Variants in EPHA5 observed in about 807,000 individuals in gnomAD.
The protein encoded by EPHA5 is EPH receptor A5.
EPHA5 carries 60 observed loss-of-function variants against 105.0 expected under a neutral mutation model. That is an observed-to-expected ratio of 0.57 (90% CI 0.46 to 0.71). EPHA5 has a LOEUF of 0.71. Ranked by LOEUF, EPHA5 falls within the 30% of genes least tolerant of loss-of-function variation. The pLI, the probability that EPHA5 is intolerant of heterozygous loss-of-function variation, is 0.00. For missense variants in EPHA5, 1,218 were observed against 1,274.7 expected, an observed-to-expected ratio of 0.96 and a Z score of 0.68; for synonymous variants, 513 against 449.1, an observed-to-expected ratio of 1.14 and a Z score of -1.80.
At chr4:65,506,911 G>A (rs1017839853) in intron 3 of EPHA5, among the ~76,000 whole-genome samples, 5 of 151,994 alleles carry the variant, frequency 3.3e-5, no homozygotes, top group African/African-American at 4.8e-5. Context: ...TGCTTTTGGT[G>A]TTTGGTGTTT....
chr4:65,559,506 C>T (rs916442444), intron 3 of EPHA5, among the ~76,000 whole-genome samples: 2 of 152,110 alleles, frequency 1.3e-5, no homozygotes, highest in African/African-American at 4.8e-5. Context: ...TCCCGAAATC[C>T]TTCTCCCAAC....
chr4:65,393,617 T>A (rs2148961665), intron 8 of EPHA5, among the ~76,000 whole-genome samples: 1 of 152,306 alleles, frequency 6.6e-6, no homozygotes, highest in Admixed American at 6.5e-5. Context: ...CCATATTTGT[T>A]CAACAACATT....
intron 5 of EPHA5, among the ~76,000 whole-genome samples, chr4:65,471,814 T>C (rs1729310633): frequency 6.6e-6 from 1 of 152,154 alleles, no homozygotes; most frequent in Non-Finnish European, 1.5e-5. Context: ...GTAGGGATTA[T>C]GGGGATTATA....
chr4:65,574,272 T>C (rs6812311), intron 3 of EPHA5: 428,807 of 1,588,830 alleles, frequency 0.27, 61,634 homozygotes, highest in Admixed American at 0.48. Context: ...CCAGGGCTAG[T>C]TGCGATCTGT....
In EPHA5 at chr4:65,564,336, A is replaced by T. The variant is rs77502293; in HGVS notation, c.910+37305T>A. Among the ~76,000 whole-genome samples the T allele has an allele frequency of 2.3e-3, 345 of 152,038 alleles. 2 individuals are homozygous for T. Among genetic ancestry groups the T allele is most frequent in the African/African-American group, 7.9e-3 (329 of 41,552 alleles). ...TATTTCTAAATGATAGCTCCTATTA[A>T]AGTTTAGGTAATTACTGGGGTCCTA... On this transcript the variant is annotated intron_variant, in intron 3 of 16. Transcript: ENST00000613740.
intron 5 of EPHA5, among the ~76,000 whole-genome samples, chr4:65,474,988 A>C (rs1478457890): frequency 6.6e-6 from 1 of 152,140 alleles, no homozygotes; most frequent in African/African-American, 2.4e-5. Context: ...TACCATGACT[A>C]AGTGGATTTG....
chr4:65,449,729 C>T (rs1387837939), intron 5 of EPHA5, among the ~76,000 whole-genome samples: 1 of 152,040 alleles, frequency 6.6e-6, no homozygotes, highest in African/African-American at 2.4e-5. Context: ...TTAGGGTGAG[C>T]CCTACTCTGA....
intron 9 of EPHA5, 148 bp downstream of exon 9, chr4:65,367,209 A>G: frequency 1.6e-6 from 1 of 633,016 alleles, no homozygotes; most frequent in South Asian, 2.3e-5. Context: ...CGTATTCTTT[A>G]CAGGAATGTA....
Position 65,324,008 on chromosome 4 carries a change from T to G in EPHA5, c.*106A>C, listed in dbSNP as rs1719840936. The G allele has an allele frequency of 1.2e-5, 9 of 741,250 alleles. No individual in the cohort carries two copies. The South Asian group carries it at 1.6e-4, about 13-fold the overall frequency. 45.9% of individuals were successfully genotyped at this position (741,250 alleles called of 1,614,324 possible). ...GCTGAGGCAAATGTTTTCTAAGGTTTAGAAATCACTGTTTTCCCTTTTCCC... is the reference window on the plus strand; with the variant it reads ...GCTGAGGCAAATGTTTTCTAAGGTTGAGAAATCACTGTTTTCCCTTTTCCC... On this transcript the variant is annotated 3_prime_UTR_variant, in exon 17 of 17. Coordinates refer to ENST00000613740, the MANE Select transcript of EPHA5 (RefSeq NM_001281766.3).
At chr4:65,478,264 A>G (rs1374520733) in intron 5 of EPHA5, among the ~76,000 whole-genome samples, 1 of 152,180 alleles carries the variant, frequency 6.6e-6, no homozygotes, top group Non-Finnish European at 1.5e-5. Context: ...ATATAGATAT[A>G]TTCATGACAT....
intron 3 of EPHA5, among the ~76,000 whole-genome samples, chr4:65,549,295 T>A (rs949911106): frequency 1.3e-5 from 2 of 152,054 alleles, no homozygotes; most frequent in East Asian, 3.9e-4. Context: ...TTCAAACAAA[T>A]CTGCGAAAAT....
rs1044324635 is a variant in EPHA5 at position 65,320,468 on chromosome 4, A to G, written c.*3646T>C. 2 of 229,212 alleles carry G rather than the reference A, an allele frequency of 8.7e-6. No individual in the cohort carries two copies. Among genetic ancestry groups the G allele is most frequent in the African/African-American group, 4.4e-5 (2 of 45,090 alleles). 14.2% of individuals were successfully genotyped at this position (229,212 alleles called of 1,614,324 possible). ...TTTTTTTCTTATTTTTAGGAAAAAC[A>G]AAATGAGAAAGGGACCTTATTCTAC... On this transcript the variant is annotated 3_prime_UTR_variant, in exon 17 of 17. Transcript: ENST00000613740.
At chr4:65,656,859 A>G (rs1054823820) in intron 1 of EPHA5, among the ~76,000 whole-genome samples, 3 of 151,330 alleles carry the variant, frequency 2.0e-5, no homozygotes, top group South Asian at 2.1e-4. Flanking sequence ...AATTTAATTC[A>G]AAGAACTTTT....
intron 3 of EPHA5, among the ~76,000 whole-genome samples, chr4:65,517,947 C>A (rs778470690): frequency 1.3e-4 from 19 of 151,788 alleles, no homozygotes; most frequent in Non-Finnish European, 2.5e-4. Flanking sequence ...ATGTTTAACA[C>A]CTCAAAATAA....
chr4:65,542,901 TG>T (rs757367631), intron 3 of EPHA5, among the ~76,000 whole-genome samples: 3 of 152,100 alleles, frequency 2.0e-5, no homozygotes, highest in Non-Finnish European at 2.9e-5. Context: ...AGCCCTGGGA[TG>T]CAAGGCTGGT....
At chr4:65,449,995 G>T (rs1726922069) in intron 5 of EPHA5, among the ~76,000 whole-genome samples, 1 of 152,132 alleles carries the variant, frequency 6.6e-6, no homozygotes, top group African/African-American at 2.4e-5. Context: ...CACTCAGTTT[G>T]TGGTCCTTTG....
chr4:65,602,353 TAAC>T (rs746538334), intron 2 of EPHA5, 49 bp from the exon 3 acceptor site: 145 of 1,431,032 alleles, frequency 1.0e-4, no homozygotes, highest in Middle Eastern at 8.1e-4. Context: ...AAATAGAAAA[TAAC>T]AAGGAACTAT....
intron 3 of EPHA5, among the ~76,000 whole-genome samples, chr4:65,508,626 T>G (rs886121491): frequency 6.6e-6 from 1 of 152,138 alleles, no homozygotes; most frequent in African/African-American, 2.4e-5. Flanking sequence ...CATTCACGAT[T>G]ACATTCTTTC....
At position 65,589,245 on chromosome 4, in the gene EPHA5, C is replaced by T. The variant is rs538926087; in HGVS notation, c.910+12396G>A. Among the ~76,000 whole-genome samples, 30 of 126,068 alleles carry T rather than the reference C, an allele frequency of 2.4e-4. No individual in the cohort carries two copies. In the South Asian group the frequency reaches 5.5e-3, roughly 23 times the overall value. The allele number at this position is 126,068 out of a possible 152,430, so 82.7% of individuals were successfully genotyped here. On this transcript the variant is annotated intron_variant, in intron 3 of 16. Coordinates refer to ENST00000613740, the MANE Select transcript of EPHA5 (RefSeq NM_001281766.3). ...GTTATTTGGTTAAACTGCTAACAGACGTTTTTTTTTAACTTGTCCATAATG... is the reference window on the plus strand; with the variant it reads ...GTTATTTGGTTAAACTGCTAACAGATGTTTTTTTTTAACTTGTCCATAATG...
Sources: gnomAD v4.1 joint callset for allele counts (sites outside exome capture counted in the v4.1 genomes callset) on GRCh38, gnomAD v4.1.1 for gene constraint, MANE v1.5 for transcripts, NCBI Gene and HGNC (gene_info 2026-07-23, HGNC 2026-07-21) for gene names.